The following PPP1R18 variants were observed in gnomAD, a reference collection of about 807,000 sequenced individuals.
The protein encoded by PPP1R18 is protein phosphatase 1 regulatory subunit 18, also known as phostensin.
Under a neutral mutation model 54.8 loss-of-function variants are expected in PPP1R18, and 31 were observed. That is an observed-to-expected ratio of 0.57 (90% CI 0.43 to 0.76). The LOEUF (loss-of-function observed/expected upper bound fraction) is 0.76, where lower values mean the gene tolerates loss of function less well. Among genes scored for constraint, PPP1R18 ranks in the 30% least tolerant of loss-of-function variants. The probability of loss-of-function intolerance (pLI) is 0.00; values close to 1 mark genes in which losing one functional copy is unlikely to be tolerated. For synonymous variants in PPP1R18, 310 were observed against 320.2 expected (o/e 0.97, Z 0.34); for missense variants, 685 against 776.1 (o/e 0.88, Z 1.39).
At position 30,684,385 on chromosome 6, in the gene PPP1R18, G is replaced by T; in HGVS notation, c.1611+23C>A. 1 of 1,517,064 alleles carries T rather than the reference G, an allele frequency of 6.6e-7. No individual in the cohort carries two copies. Among genetic ancestry groups the T allele is most frequent in the Non-Finnish European group, 8.8e-7 (1 of 1,131,354 alleles). The allele number at this position is 1,517,064 out of a possible 1,614,324, so 94.0% of individuals were successfully genotyped here. On this transcript the variant is annotated intron_variant, in intron 1 of 2. Transcript: ENST00000274853. This position sits in a 1 kb window ranked among gnomAD's most constrained non-coding sequence, Gnocchi z 6.0. ...AAATTGACAAGTGGACTTCTAAGAA[G>T]TCTGGCTTGGCTGCTTCCCTACCTG...
chr6:30,677,196 G>T lies in PPP1R18; in HGVS notation c.*73C>A, dbSNP rs577659727. On this transcript the variant is annotated 3_prime_UTR_variant, in exon 3 of 3. Transcript: ENST00000274853. ...CCAGGCTCATTATCAGGGTCTGTCT[G>T]CCCTGAATCTTCCGGGCTCCAGGAT... 2.2e-6 allele frequency: 3 copies of T among 1,381,026 alleles called. No homozygotes were observed. Among genetic ancestry groups the T allele is most frequent in the African/African-American group, 1.4e-5 (1 of 70,342 alleles). 85.5% of individuals were successfully genotyped at this position (1,381,026 alleles called of 1,614,324 possible). A position where few individuals can be genotyped will look rare whatever the true frequency, so the allele number is the denominator to read the frequency against.
rs773868877 is a variant in PPP1R18 at position 30,685,951 on chromosome 6, C to T, written c.68G>A (p.Arg23Gln). The T allele has an allele frequency of 5.6e-6, 9 of 1,604,648 alleles. No homozygotes were observed. The highest frequency in any genetic ancestry group is 7.6e-6 in the Non-Finnish European group (9 of 1,179,160). The change falls in exon 1 of 3, where the codon CGA (arginine) becomes CAA (glutamine). Residue 23 changes from arginine to glutamine, a missense_variant. Transcript: ENST00000274853. The surrounding 1 kb of genome is among the most constrained non-coding windows in gnomAD (Gnocchi z 5.0). ...ARRRQEEASV[R>Q]GREKAERERL... ...CTCCCGTTCTGCTTTCTCTCGGCCT[C>T]GAACGGACGCCTCCTCCTGCCGGCG...
Position 30,683,143 on chromosome 6 carries a change from G to C in PPP1R18, c.1611+1265C>G, listed in dbSNP as rs1770653891. On this transcript the variant is annotated intron_variant, in intron 1 of 2. Transcript: ENST00000274853. The surrounding 1 kb of genome is among the most constrained non-coding windows in gnomAD (Gnocchi z 5.1). ...GGCTTAACCCGTATCTTTAGTCCCT[G>C]TGGTTCCCCACTGACACTGAGGACA... 6.6e-6 allele frequency among the ~76,000 whole-genome samples: 1 copy of C among 152,194 alleles called. No individual in the cohort carries two copies.
rs750552749 is a variant in PPP1R18, at chr6:30,684,936, T to C, written c.1083A>G (p.Ser361=). The part of the protein sequence containing the change: ...AQTQKPEPPE[S]AEKLLESPGV... Reference sequence around the variant, plus strand: ...CGGGAGATTCCAGAAGCTTCTCTGCTGACTCTGGAGGTTCTGGTTTCTGAG... The same window carrying C: ...CGGGAGATTCCAGAAGCTTCTCTGCCGACTCTGGAGGTTCTGGTTTCTGAG... The change falls in exon 1 of 3, where the codon TCA becomes TCG. Residue 361 remains serine (S), a synonymous_variant. Coordinates refer to ENST00000274853, the MANE Select transcript of PPP1R18 (RefSeq NM_133471.4). The surrounding 1 kb of genome is among the most constrained non-coding windows in gnomAD (Gnocchi z 6.0). 4.3e-6 allele frequency: 7 copies of C among 1,613,086 alleles called. No individual in the cohort carries two copies. Among genetic ancestry groups the C allele is most frequent in the Non-Finnish European group, 5.1e-6 (6 of 1,180,014 alleles).
intron 2 of PPP1R18, among the ~76,000 whole-genome samples, chr6:30,678,024 C>A (rs1770295990): frequency 6.6e-6 from 1 of 151,820 alleles, no homozygotes; most frequent in Admixed American, 6.6e-5. Flanking sequence ...GATTCTCCTG[C>A]CTCAGACTCC....
rs1479183499 is a variant in PPP1R18 at position 30,684,570 on chromosome 6, C to T, written c.1449G>A (p.Ala483=). 9.3e-6 allele frequency: 15 copies of T among 1,609,306 alleles called. No individual in the cohort carries two copies. The highest frequency in any genetic ancestry group is 2.2e-5 in the East Asian group (1 of 44,786). The change falls in exon 1 of 3, where the codon GCG becomes GCA. Residue 483 remains alanine (A), a synonymous_variant. Coordinates refer to ENST00000274853, the MANE Select transcript of PPP1R18 (RefSeq NM_133471.4). This position sits in a 1 kb window ranked among gnomAD's most constrained non-coding sequence, Gnocchi z 6.0. The stretch of plus-strand genomic sequence containing the variant: ...CTGGAGAGGTTGGGGTGGCTGGGGT[C>T]GCAGGGGGCACAGACCGCCGGGGGT... ...TVNPRRSVPP[A]TPATPTSPAT... is the part of the protein sequence containing the mutation.
rs1010627466 is a variant in PPP1R18, at chr6:30,684,295, CAAGA to C, written c.1611+109_1611+112del. 4.5e-5 allele frequency: 49 copies of C among 1,099,176 alleles called. No individual in the cohort carries two copies. Among genetic ancestry groups the C allele is most frequent in the Non-Finnish European group, 5.8e-5 (46 of 787,844 alleles). The allele number at this position is 1,099,176 out of a possible 1,614,324, so 68.1% of individuals were successfully genotyped here. A position where few individuals can be genotyped will look rare whatever the true frequency, so the allele number is the denominator to read the frequency against. On this transcript the variant is annotated intron_variant, in intron 1 of 2. Coordinates refer to ENST00000274853, the MANE Select transcript of PPP1R18 (RefSeq NM_133471.4). The surrounding 1 kb of genome is among the most constrained non-coding windows in gnomAD (Gnocchi z 6.0). Reference sequence around the variant, plus strand: ...GAGGAAGGGTGGTGGCAGGAATTAACAAGAAAGAATAGAGGAAGACAAGAAAACA... The same window carrying C: ...GAGGAAGGGTGGTGGCAGGAATTAACAAGAATAGAGGAAGACAAGAAAACA...
Position 30,684,783 on chromosome 6 carries a change from G to C in PPP1R18, c.1236C>G (p.Gly412=). 6.2e-7 allele frequency: 1 copy of C among 1,603,206 alleles called. No individual in the cohort carries two copies. Among genetic ancestry groups the C allele is most frequent in the Non-Finnish European group, 8.5e-7 (1 of 1,174,364 alleles). ...PLPPEDAGTG[G]LRQQEEEAVE... ...CTGCTTCCTCTTCCTGCTGTCTCAG[G>C]CCTCCAGTCCCAGCGTCCTCTGGTG... The change falls in exon 1 of 3, where the codon GGC becomes GGG. Residue 412 remains glycine (G), a synonymous_variant. Transcript: ENST00000274853. The surrounding 1 kb of genome is among the most constrained non-coding windows in gnomAD (Gnocchi z 6.0).
At chr6:30,680,293 A>G (rs1439597455) in intron 1 of PPP1R18, among the ~76,000 whole-genome samples, 2 of 152,102 alleles carry the variant, frequency 1.3e-5, no homozygotes, top group Non-Finnish European at 2.9e-5. Context: ...TTGCCCTATT[A>G]AGAAGCTCAG....
In PPP1R18 at chr6:30,677,178, CATT is replaced by C; in HGVS notation, c.*88_*90del. On this transcript the variant is annotated 3_prime_UTR_variant, in exon 3 of 3. Transcript: ENST00000274853. ...GTTGGTTGCCCTTCCCTGCCAGGCTCATTATCAGGGTCTGTCTGCCCTGAATCT... is the reference window on the plus strand; with the variant it reads ...GTTGGTTGCCCTTCCCTGCCAGGCTCATCAGGGTCTGTCTGCCCTGAATCT... The C allele has an allele frequency of 8.1e-7, 1 of 1,234,712 alleles. No individual in the cohort carries two copies. Among genetic ancestry groups the C allele is most frequent in the Non-Finnish European group, 1.2e-6 (1 of 835,228 alleles). The allele number at this position is 1,234,712 out of a possible 1,614,324, so 76.5% of individuals were successfully genotyped here. A position where few individuals can be genotyped will look rare whatever the true frequency, so the allele number is the denominator to read the frequency against.
Position 30,677,048 on chromosome 6 carries a change from A to C in PPP1R18, c.*221T>G. 1 of 695,204 alleles carries C rather than the reference A, an allele frequency of 1.4e-6. No homozygotes were observed. Among genetic ancestry groups the C allele is most frequent in the Non-Finnish European group, 2.6e-6 (1 of 381,308 alleles). The allele number at this position is 695,204 out of a possible 1,614,324, so 43.1% of individuals were successfully genotyped here. A position where few individuals can be genotyped will look rare whatever the true frequency, so the allele number is the denominator to read the frequency against. On this transcript the variant is annotated 3_prime_UTR_variant, in exon 3 of 3. Coordinates refer to ENST00000274853, the MANE Select transcript of PPP1R18 (RefSeq NM_133471.4). ...CTCACTCTTGGATGACCTAGGATGC[A>C]CCAGCACGTTTAACCCCACCCACAC...
chr6:30,684,683 C>T lies in PPP1R18; in HGVS notation c.1336G>A (p.Asp446Asn). The T allele has an allele frequency of 6.7e-7, 1 of 1,488,930 alleles. No individual in the cohort carries two copies. Among genetic ancestry groups the T allele is most frequent in the Non-Finnish European group, 9.0e-7 (1 of 1,116,770 alleles). The allele number at this position is 1,488,930 out of a possible 1,614,324, so 92.2% of individuals were successfully genotyped here. Residue 446 changes from aspartate (D) to asparagine (N), a missense_variant, in exon 1 of 3, where the codon GAT becomes AAT. Coordinates refer to ENST00000274853, the MANE Select transcript of PPP1R18 (RefSeq NM_133471.4). This position sits in a 1 kb window ranked among gnomAD's most constrained non-coding sequence, Gnocchi z 6.0. Reference protein sequence around the residue: ...PAPTAPQPPGDPLMSRLFYGV... With the variant: ...PAPTAPQPPGNPLMSRLFYGV... ...TAGAACAGGCGGCTCATGAGGGGATCCCCAGGAGGTTGGGGGGCAGTTGGG... is the reference window on the plus strand; with the variant it reads ...TAGAACAGGCGGCTCATGAGGGGATTCCCAGGAGGTTGGGGGGCAGTTGGG...
At chr6:30,678,472 T>A (rs1770332878) in intron 2 of PPP1R18, among the ~76,000 whole-genome samples, 1 of 151,486 alleles carries the variant, frequency 6.6e-6, no homozygotes, top group African/African-American at 2.4e-5. Context: ...GCCTCCCAGG[T>A]TCACGCCATT....
chr6:30,682,960 C>T (rs190966111), intron 1 of PPP1R18, among the ~76,000 whole-genome samples: 9 of 152,292 alleles, frequency 5.9e-5, no homozygotes, highest in Non-Finnish European at 1.0e-4. Context: ...GTAGCATTTC[C>T]GGACTTCTGT....
In PPP1R18 at chr6:30,677,106, A is replaced by G; in HGVS notation, c.*163T>C. The G allele has an allele frequency of 1.3e-6, 1 of 753,848 alleles. No individual in the cohort carries two copies. Among genetic ancestry groups the G allele is most frequent in the African/African-American group, 1.7e-5 (1 of 58,630 alleles). 46.7% of individuals were successfully genotyped at this position (753,848 alleles called of 1,614,324 possible). On this transcript the variant is annotated 3_prime_UTR_variant, in exon 3 of 3. Transcript: ENST00000274853. ...TTTGGATTAGGGTAGAAATTGGGCA[A>G]TTGGCTCTGCCCCCAGAAACAGGGT...
rs1159989689 is a variant in PPP1R18, at chr6:30,685,403, G to A, written c.616C>T (p.Leu206=). The stretch of plus-strand genomic sequence containing the variant: ...GGGCTTTGCTCTCGAGACTCTGCTA[G>A]TCTCAGACTCCGCTCTGGAGTTTCT... The part of the protein sequence containing the change: ...PGETPERSLR[L]AESREQSPRR... Residue 206 remains leucine, a synonymous_variant, in exon 1 of 3, where the codon CTA becomes TTA. Transcript: ENST00000274853. The surrounding 1 kb of genome is among the most constrained non-coding windows in gnomAD (Gnocchi z 5.0). The A allele has an allele frequency of 1.2e-6, 2 of 1,612,914 alleles. No individual in the cohort carries two copies. The highest frequency in any genetic ancestry group is 1.7e-6 in the Non-Finnish European group (2 of 1,180,030).
chr6:30,677,449 C>T (rs897684368), intron 2 of PPP1R18, among the ~76,000 whole-genome samples, 161 bp from the exon 3 acceptor site: 1 of 152,058 alleles, frequency 6.6e-6, no homozygotes, highest in Non-Finnish European at 1.5e-5. Context: ...ATCCATCACT[C>T]ATTTAGCTCG....
At position 30,686,359 on chromosome 6, in the gene PPP1R18, G is replaced by T; in HGVS notation, c.-341C>A. On this transcript the variant is annotated 5_prime_UTR_variant, in exon 1 of 3. Coordinates refer to ENST00000274853, the MANE Select transcript of PPP1R18 (RefSeq NM_133471.4). The stretch of plus-strand genomic sequence containing the variant: ...GTATTAAAGACCGTCTCTAGGATGT[G>T]AGAAAGAGAGAGAAGGGCGAAAAGG... The T allele has an allele frequency of 3.1e-6, 1 of 322,878 alleles. No homozygotes were observed. Among genetic ancestry groups the T allele is most frequent in the Non-Finnish European group, 5.6e-6 (1 of 177,442 alleles). 20.0% of individuals were successfully genotyped at this position (322,878 alleles called of 1,614,324 possible).
In PPP1R18 at chr6:30,684,506, G is replaced by A. The variant is rs368081675; in HGVS notation, c.1513C>T (p.Arg505Trp). 5.0e-5 allele frequency: 81 copies of A among 1,612,394 alleles called. No homozygotes were observed. Among genetic ancestry groups the A allele is most frequent in the Non-Finnish European group, 6.8e-5 (80 of 1,179,750 alleles). ...AAGATCTCCTCGGCAGTTGGGTACC[G>A]CTTCTTCCCAGCCCCCGGGACTGCA... Reference protein sequence around the residue: ...DAAVPGAGKKRYPTAEEILVL... With the variant: ...DAAVPGAGKKWYPTAEEILVL... Residue 505 changes from arginine (R) to tryptophan (W), a missense_variant, in exon 1 of 3, where the codon CGG (arginine) becomes TGG (tryptophan). Physicochemically the swap from Arg to Trp is moderately radical, Grantham distance 101. Transcript: ENST00000274853. This position sits in a 1 kb window ranked among gnomAD's most constrained non-coding sequence, Gnocchi z 6.0.
Sources: gnomAD v4.1 joint callset for allele counts (sites outside exome capture counted in the v4.1 genomes callset) on GRCh38, gnomAD v4.1.1 for gene constraint, Gnocchi (gnomAD v3.1) non-coding constraint, MANE v1.5 for transcripts, NCBI Gene and HGNC (gene_info 2026-07-23, HGNC 2026-07-21) for gene names.